The following NBEA variants were observed in gnomAD, a reference collection of about 807,000 sequenced individuals.
The protein encoded by NBEA is lysosomal-trafficking regulator 2.
In NBEA, 44 loss-of-function variants were observed where a neutral mutation model predicts 343.4. The ratio of observed to expected loss-of-function variants is 0.13; its 90% confidence interval spans 0.10 to 0.16. The LOEUF (loss-of-function observed/expected upper bound fraction) is 0.16, where lower values mean the gene tolerates loss of function less well. Ranked by LOEUF, NBEA falls within the 10% of genes least tolerant of loss-of-function variation. NBEA has a pLI of 1.00. For synonymous variants in NBEA, 1,175 were observed against 1,238.7 expected, an observed-to-expected ratio of 0.95 and a Z score of 1.08; for missense variants, 2,555 against 3,631.3, an observed-to-expected ratio of 0.70 and a Z score of 7.62.
chr13:35,472,454 A>T lies in NBEA; in HGVS notation c.6503A>T (p.Lys2168Met), dbSNP rs1006197142. 3.7e-6 allele frequency: 6 copies of T among 1,613,878 alleles called. No individual in the cohort carries two copies. In the Admixed American group the frequency reaches 5.0e-5, roughly 13 times the overall value. The change falls in exon 41 of 59, where the codon AAG (lysine) becomes ATG (methionine). Residue 2168 changes from lysine to methionine, a missense_variant. Physicochemically the swap from Lys to Met is moderately conservative, Grantham distance 95. Transcript: ENST00000379939. ...AQLIAPVVVA[K>M]GTLSITTTEI... ...CTCATCGCTCCCGTGGTGGTGGCCA[A>T]GGGGACTCTCTCCATCACCACGACA...
chr13:35,085,193 A>G, intron 10 of NBEA, among the ~76,000 whole-genome samples: 1 of 152,148 alleles, frequency 6.6e-6, no homozygotes, highest in East Asian at 1.9e-4. Flanking sequence ...AAACTATTCC[A>G]ATCAATAGAA....
At chr13:35,321,272 T>C (rs2038121469) in intron 36 of NBEA, among the ~76,000 whole-genome samples, 1 of 152,172 alleles carries the variant, frequency 6.6e-6, no homozygotes, top group African/African-American at 2.4e-5. Flanking sequence ...CAGTTGAGGT[T>C]TTTGAGTGGG....
chr13:34,995,483 AAAAC>A (rs1346513186), intron 1 of NBEA, among the ~76,000 whole-genome samples: 2 of 152,290 alleles, frequency 1.3e-5, no homozygotes, highest in East Asian at 1.9e-4. Flanking sequence ...GCCTGAGCAA[AAAAC>A]AAACAAACAA....
At chr13:35,124,637 C>T (rs1366353432) in intron 17 of NBEA, among the ~76,000 whole-genome samples, 3 of 140,868 alleles carry the variant, frequency 2.1e-5, no homozygotes, top group Non-Finnish European at 4.7e-5. Context: ...TACATACACA[C>T]ACATATATGG....
intron 17 of NBEA, among the ~76,000 whole-genome samples, chr13:35,131,687 G>A (rs1295248009): frequency 3.9e-5 from 6 of 152,048 alleles, no homozygotes; most frequent in African/African-American, 1.2e-4. Flanking sequence ...TAATATTTTG[G>A]CATTTATGAA....
chr13:35,625,000 A>T (rs1401567476), intron 48 of NBEA, among the ~76,000 whole-genome samples: 4 of 152,122 alleles, frequency 2.6e-5, no homozygotes, highest in African/African-American at 9.7e-5. Context: ...AATAGATGGT[A>T]TTGGAAAAAC....
chr13:35,043,316 TA>T (rs2062721845), intron 2 of NBEA, among the ~76,000 whole-genome samples: 1 of 151,850 alleles, frequency 6.6e-6, no homozygotes, highest in Admixed American at 6.6e-5. Context: ...ACATGGGAGA[TA>T]AGATAAAGAT....
chr13:35,536,229 T>C (rs2078533123), intron 41 of NBEA, among the ~76,000 whole-genome samples: 1 of 152,172 alleles, frequency 6.6e-6, no homozygotes, highest in African/African-American at 2.4e-5. Context: ...TTCACATTCA[T>C]CTTTTCTTTC....
chr13:35,154,286 T>G (rs1296576647), intron 18 of NBEA, among the ~76,000 whole-genome samples: 1 of 152,162 alleles, frequency 6.6e-6, no homozygotes, highest in Non-Finnish European at 1.5e-5. Context: ...AGACCATCCC[T>G]CTCTCTCAAT....
chr13:35,610,038 A>G (rs1020579476), intron 48 of NBEA, among the ~76,000 whole-genome samples: 4 of 152,222 alleles, frequency 2.6e-5, no homozygotes, highest in African/African-American at 9.6e-5. Context: ...AAATGCCTCC[A>G]GATTCGTCCA....
chr13:35,164,264 C>T (rs1015880170), intron 23 of NBEA, 92 bp from the exon 24 acceptor site: 6 of 1,090,148 alleles, frequency 5.5e-6, no homozygotes, highest in Non-Finnish European at 7.6e-6. Flanking sequence ...CTAGCTCCTA[C>T]AGTTCTATAA....
intron 34 of NBEA, among the ~76,000 whole-genome samples, chr13:35,266,818 C>T (rs979234921): frequency 2.0e-5 from 3 of 151,822 alleles, no homozygotes; most frequent in African/African-American, 7.2e-5. Context: ...ATGAACAACT[C>T]AGTGTTCGGG....
chr13:35,009,530 G>GT (rs1281088462), intron 1 of NBEA, among the ~76,000 whole-genome samples: 2 of 152,152 alleles, frequency 1.3e-5, no homozygotes, highest in African/African-American at 4.8e-5. Context: ...CCAAGCAAGA[G>GT]TATGGCTGGA....
chr13:35,538,706 C>T (rs1055214387), intron 41 of NBEA, among the ~76,000 whole-genome samples: 4 of 152,180 alleles, frequency 2.6e-5, no homozygotes, highest in Admixed American at 6.5e-5. Flanking sequence ...CACATACCTG[C>T]GTTATGACTG....
At chr13:35,652,521 G>A (rs756630491) in intron 53 of NBEA, among the ~76,000 whole-genome samples, 4 of 149,306 alleles carry the variant, frequency 2.7e-5, no homozygotes, top group Non-Finnish European at 5.9e-5. Flanking sequence ...GGCACCTGTA[G>A]TCCCAGCTAC....
intron 1 of NBEA, among the ~76,000 whole-genome samples, chr13:34,992,614 A>G (rs913344916): frequency 1.3e-5 from 2 of 151,978 alleles, no homozygotes; most frequent in African/African-American, 4.8e-5. Flanking sequence ...TTTGAGGGGA[A>G]TAGTGCCCTT....
chr13:34,944,827 C>T (rs752412089), intron 1 of NBEA, among the ~76,000 whole-genome samples: 14 of 152,080 alleles, frequency 9.2e-5, no homozygotes, highest in Admixed American at 2.0e-4. Context: ...CCTATGCTTA[C>T]TTAATACATT....
chr13:35,374,364 C>T (rs1031619596), intron 38 of NBEA, among the ~76,000 whole-genome samples: 4 of 152,158 alleles, frequency 2.6e-5, no homozygotes, highest in African/African-American at 9.7e-5. Flanking sequence ...CATCAAAGAT[C>T]ACTAATCACA....
In NBEA at chr13:35,497,566, A is replaced by G. The variant is rs2076728692; in HGVS notation, c.6585+25030A>G. 2.6e-5 allele frequency among the ~76,000 whole-genome samples: 4 copies of G among 152,138 alleles called. No homozygotes were observed. In the South Asian group the frequency reaches 8.3e-4, roughly 32 times the overall value. On this transcript the variant is annotated intron_variant, in intron 41 of 58. Transcript: ENST00000379939. ...TATTTGGTTTACCTACAAGAGATTA[A>G]TTTGCATATCAGCAAGGTCTGCATA...
Sources: allele counts gnomAD v4.1 joint callset (sites outside exome capture counted in the v4.1 genomes callset), GRCh38; gene constraint gnomAD v4.1.1; transcripts MANE v1.5; gene names NCBI Gene and HGNC (gene_info 2026-07-23, HGNC 2026-07-21).